Variants in TEX10 observed in about 807,000 individuals in gnomAD.
The protein encoded by TEX10 is testis-expressed protein 10.
A neutral mutation model predicts 104.4 loss-of-function variants in TEX10; 24 were observed. That is an observed-to-expected ratio of 0.23 (90% CI 0.17 to 0.32). The LOEUF (loss-of-function observed/expected upper bound fraction) is 0.32. Ranked by LOEUF, TEX10 falls within the 10% of genes least tolerant of loss-of-function variation. The pLI is 1.00. For synonymous variants in TEX10, 396 were observed against 393.4 expected, an observed-to-expected ratio of 1.01 and a Z score of -0.08; for missense variants, 921 against 1,083.9, an observed-to-expected ratio of 0.85 and a Z score of 2.11.
intron 13 of TEX10, chr9:100,307,161 T>C (rs1834161907): frequency 6.6e-6 from 1 of 152,122 alleles, no homozygotes; most frequent in South Asian, 2.1e-4. Context: ...CTGGAAAAAA[T>C]TTGAATGCTG....
At position 100,302,142 on chromosome 9, in the gene TEX10, TAAGA is replaced by T. The variant is rs1833994628; in HGVS notation, c.*45_*48del. 1 of 1,122,374 alleles carries T rather than the reference TAAGA, an allele frequency of 8.9e-7. No homozygotes were observed. The highest frequency in any genetic ancestry group is 2.0e-5 in the South Asian group (1 of 51,250). The allele number at this position is 1,122,374 out of a possible 1,614,324, so 69.5% of individuals were successfully genotyped here. A position where few individuals can be genotyped will look rare whatever the true frequency, so the allele number is the denominator to read the frequency against. On this transcript the variant is annotated 3_prime_UTR_variant, in exon 15 of 15. Coordinates refer to ENST00000374902, the MANE Select transcript of TEX10 (RefSeq NM_017746.4). ...TATTACATCAGTCTTTTTCTTCAAA[TAAGA>T]TAGATGTGAATAAACAACTTCAAAC...
chr9:100,310,799 T>C (rs1340854019), intron 11 of TEX10, among the ~76,000 whole-genome samples: 1 of 152,200 alleles, frequency 6.6e-6, no homozygotes, highest in Non-Finnish European at 1.5e-5. Flanking sequence ...ACAAATTATT[T>C]TGAAGATGCA....
intron 11 of TEX10, among the ~76,000 whole-genome samples, chr9:100,312,720 A>G (rs897548113): frequency 1.3e-5 from 2 of 152,202 alleles, no homozygotes; most frequent in South Asian, 4.1e-4. Flanking sequence ...TACATGTGCT[A>G]CCATAACCGT....
At position 100,346,806 on chromosome 9, in the gene TEX10, T is replaced by C. The variant is rs900995672; in HGVS notation, c.781A>G (p.Thr261Ala). ...LQEQKENPHA[T>A]SNSIFINWKE... is the part of the protein sequence containing the mutation. The stretch of plus-strand genomic sequence containing the variant: ...CAGTTGATAAAAATGGAGTTGCTAG[T>C]GGCATGGGGATTTTCTTTCTGTTCC... Residue 261 changes from threonine (T) to alanine (A), a missense_variant, in exon 3 of 15, where the codon ACT becomes GCT. Physicochemically the swap from Thr to Ala is moderately conservative, Grantham distance 58. Coordinates refer to ENST00000374902, the MANE Select transcript of TEX10 (RefSeq NM_017746.4). 7 of 1,614,090 alleles carry C rather than the reference T, an allele frequency of 4.3e-6. No individual in the cohort carries two copies. In the South Asian group the frequency reaches 6.6e-5, roughly 15 times the overall value.
chr9:100,332,997 T>C (rs1303896559), intron 5 of TEX10, among the ~76,000 whole-genome samples: 1 of 152,022 alleles, frequency 6.6e-6, no homozygotes, highest in Non-Finnish European at 1.5e-5. Flanking sequence ...AAGACATTCC[T>C]ACCTGTTTTT....
chr9:100,306,859 C>G (rs1834156395), intron 13 of TEX10: 1 of 152,150 alleles, frequency 6.6e-6, no homozygotes, highest in Admixed American at 6.5e-5. Context: ...GGATGTTTCT[C>G]TATAAGAAAC....
Position 100,318,211 on chromosome 9 carries a change from C to T in TEX10, c.2202+2054G>A, listed in dbSNP as rs1834468828. Among the ~76,000 whole-genome samples, 5 of 152,252 alleles carry T rather than the reference C, an allele frequency of 3.3e-5. No homozygotes were observed. The South Asian group carries it at 1.0e-3, about 32-fold the overall frequency. On this transcript the variant is annotated intron_variant, in intron 11 of 14. Coordinates refer to ENST00000374902, the MANE Select transcript of TEX10 (RefSeq NM_017746.4). ...CACAATAGCAAATATATGGAATTGA[C>T]CTAAATGTTCACCAACGTATGCGTG...
chr9:100,334,804 A>AT lies in TEX10; in HGVS notation c.1251-4636_1251-4635insA, dbSNP rs1430918911. 2.0e-5 allele frequency among the ~76,000 whole-genome samples: 3 copies of AT among 152,020 alleles called. No homozygotes were observed. The East Asian group carries it at 5.8e-4, about 30-fold the overall frequency. On this transcript the variant is annotated intron_variant, in intron 5 of 14. Coordinates refer to ENST00000374902, the MANE Select transcript of TEX10 (RefSeq NM_017746.4). ...CTCAGGCTCCCAAGTATCAGGGGTTACAGTTGTGCGCCACCACACTTGGCT... is the reference window on the plus strand; with the variant it reads ...CTCAGGCTCCCAAGTATCAGGGGTTATCAGTTGTGCGCCACCACACTTGGCT...
At chr9:100,337,066 A>T (rs1378851508) in intron 5 of TEX10, among the ~76,000 whole-genome samples, 1 of 152,184 alleles carries the variant, frequency 6.6e-6, no homozygotes, top group East Asian at 1.9e-4. Flanking sequence ...TCCTCCCCTC[A>T]TGAAAGATCA....
rs1834041682 is a variant in TEX10, at chr9:100,302,963, T to TA, written c.2677-660dup. Among the ~76,000 whole-genome samples the TA allele has an allele frequency of 5.8e-5, 8 of 138,084 alleles. No homozygotes were observed. The South Asian group carries it at 2.2e-3, about 38-fold the overall frequency. The allele number at this position is 138,084 out of a possible 152,430, so 90.6% of individuals were successfully genotyped here. On this transcript the variant is annotated intron_variant, in intron 14 of 14. Coordinates refer to ENST00000374902, the MANE Select transcript of TEX10 (RefSeq NM_017746.4). ...CAAACTAAAATCACCAAAGGAATCC[T>TA]AAACAACAGAGCTGTCCCGGCCAAA...
chr9:100,351,776 C>T (rs1406495595), intron 1 of TEX10, among the ~76,000 whole-genome samples: 1 of 152,146 alleles, frequency 6.6e-6, no homozygotes, highest in African/African-American at 2.4e-5. Flanking sequence ...AATATTATTA[C>T]GGGATACAAA....
At chr9:100,334,651 A>T in intron 5 of TEX10, among the ~76,000 whole-genome samples, 1 of 146,932 alleles carries the variant, frequency 6.8e-6, no homozygotes, top group Non-Finnish European at 1.5e-5. Context: ...TGGAACTGAT[A>T]GGCTCATTTT....
chr9:100,328,358 T>C (rs1449477470), intron 7 of TEX10, among the ~76,000 whole-genome samples: 1 of 152,228 alleles, frequency 6.6e-6, no homozygotes, highest in African/African-American at 2.4e-5. Flanking sequence ...ATGTCTTGAA[T>C]AACAGTGAAC....
intron 9 of TEX10, among the ~76,000 whole-genome samples, chr9:100,324,768 G>A (rs959199481): frequency 2.6e-5 from 4 of 152,176 alleles, no homozygotes; most frequent in Non-Finnish European, 5.9e-5. Flanking sequence ...TAACGGAACT[G>A]AATGTAAGTT....
chr9:100,343,480 T>A (rs992746206), intron 4 of TEX10, among the ~76,000 whole-genome samples: 2 of 151,424 alleles, frequency 1.3e-5, no homozygotes, highest in Admixed American at 6.6e-5. Context: ...ATTTCAGAAA[T>A]AAACAACTTC....
chr9:100,327,841 G>C lies in TEX10; in HGVS notation c.1747C>G (p.Arg583Gly). ...LIDIIHTAAA[R>G]ANKELLKSLQ... Reference sequence around the variant, plus strand: ...CTTTTTAGTAATTCTTTATTTGCTCGTGCTGCAGCGGTATGAATGATATCG... The same window carrying C: ...CTTTTTAGTAATTCTTTATTTGCTCCTGCTGCAGCGGTATGAATGATATCG... The change falls in exon 8 of 15, where the codon CGA becomes GGA. Residue 583 changes from arginine to glycine, a missense_variant. This residue lies in a region of TEX10 where 753 missense variants were observed against 868.4 expected (regional missense o/e 0.87). Transcript: ENST00000374902. 1 of 1,599,728 alleles carries C rather than the reference G, an allele frequency of 6.3e-7. No homozygotes were observed. Among genetic ancestry groups the C allele is most frequent in the South Asian group, 1.1e-5 (1 of 88,678 alleles).
chr9:100,340,233 T>C, intron 5 of TEX10, 24 bp downstream of exon 5: 1 of 1,428,230 alleles, frequency 7.0e-7, no homozygotes, highest in Non-Finnish European at 9.5e-7. Flanking sequence ...TTCAAGGTTA[T>C]ACAGTGAAAA....
intron 13 of TEX10, 48 bp downstream of exon 13, chr9:100,308,452 G>C (rs1834194304): frequency 1.4e-6 from 2 of 1,478,130 alleles, no homozygotes. Flanking sequence ...TTGGTTGGGG[G>C]AGGAGGAACA....
intron 5 of TEX10, among the ~76,000 whole-genome samples, chr9:100,334,653 G>A (rs1834961420): frequency 6.9e-6 from 1 of 145,028 alleles, no homozygotes; most frequent in Non-Finnish European, 1.5e-5. Context: ...GAACTGATAG[G>A]CTCATTTTGT....
Sources: gnomAD v4.1 joint callset for allele counts (sites outside exome capture counted in the v4.1 genomes callset) on GRCh38, gnomAD v4.1.1 for gene constraint, gnomAD v4.1.1 regional missense constraint, MANE v1.5 for transcripts, NCBI Gene and HGNC (gene_info 2026-07-23, HGNC 2026-07-21) for gene names.